GYG2: variants seen among roughly 807,000 people sequenced by gnomAD.
GYG2 encodes the protein glycogenin 2, also known as glycogenin-2.
Under a neutral mutation model 29.4 loss-of-function variants are expected in GYG2, and 29 were observed. The ratio of observed to expected loss-of-function variants is 0.99; its 90% confidence interval spans 0.74 to 1.35. GYG2 has a LOEUF of 1.35. Among genes scored for constraint, GYG2 ranks in the 40% most tolerant of loss-of-function variants. GYG2 has a pLI of 0.00. For missense variants in GYG2, 370 were observed against 385.7 expected (o/e 0.96, Z 0.34); for synonymous variants, 167 against 172.3 (o/e 0.97, Z 0.24).
chrX:2,842,781 C>T (rs1485229883), intron 2 of GYG2, among the ~76,000 whole-genome samples: 2 of 107,529 alleles, frequency 1.9e-5, no homozygotes, highest in East Asian at 2.9e-4. Flanking sequence ...AGCATGTATG[C>T]GAATTAGAAT....
intron 8 of GYG2, among the ~76,000 whole-genome samples, chrX:2,863,365 C>T (rs1482257739): frequency 8.9e-6 from 1 of 111,838 alleles, no homozygotes; most frequent in African/African-American, 3.2e-5. Context: ...TGAACCACCA[C>T]GCCCGGCAAG....
intron 3 of GYG2, among the ~76,000 whole-genome samples, chrX:2,847,734 A>G (rs1220981989): frequency 9.5e-6 from 1 of 105,735 alleles, no homozygotes; most frequent in African/African-American, 3.6e-5. Flanking sequence ...AAATAAATAA[A>G]TAAATAAATA....
chrX:2,839,436 G>T (rs1047045548), intron 2 of GYG2, among the ~76,000 whole-genome samples: 8 of 110,749 alleles, frequency 7.2e-5, no homozygotes, highest in African/African-American at 2.6e-4. Flanking sequence ...GAAGATTCCT[G>T]GTTTACACTT....
chrX:2,845,859 A>G (rs2087706119), intron 3 of GYG2, among the ~76,000 whole-genome samples: 1 of 100,069 alleles, frequency 1.0e-5, no homozygotes, highest in Non-Finnish European at 2.0e-5. Context: ...TTTGAACTGG[A>G]TTTCACTGAT....
At chrX:2,857,164 C>T (rs1229970989) in intron 6 of GYG2, among the ~76,000 whole-genome samples, 2 of 86,590 alleles carry the variant, frequency 2.3e-5, no homozygotes, top group Non-Finnish European at 4.9e-5. Flanking sequence ...CTATCTAGAC[C>T]TAGATGTCTA....
rs201829432 is a variant in GYG2 at position 2,877,307 on chromosome X, G to T, written c.1251G>T (p.Glu417Asp). 2.5e-6 allele frequency: 3 copies of T among 1,206,732 alleles called. No individual in the cohort carries two copies. The East Asian group carries it at 8.9e-5, about 36-fold the overall frequency. The change falls in exon 10 of 11, where the codon GAG becomes GAT. Residue 417 changes from glutamate to aspartate, a missense_variant and splice_region_variant. By Grantham distance (45) the Glu-to-Asp change is conservative (BLOSUM62 2). Transcript: ENST00000398806. ...ACCCCAGTCTGCAGGATGCACTGGA[G>T]GTGGTATCCAAATTCTTCCCCTTGC... ...LRDPSLQDAL[E>D]VDLAVSVSQI... is the part of the protein sequence containing the mutation.
At chrX:2,849,904 C>T (rs139651325) in intron 3 of GYG2, among the ~76,000 whole-genome samples, 2,249 of 110,917 alleles carry the variant, frequency 0.02, 49 homozygotes, top group African/African-American at 0.069. Flanking sequence ...CGCTTGAGTT[C>T]AGGAGTTCAA....
At chrX:2,835,974 G>T (rs1318435846) in intron 2 of GYG2, among the ~76,000 whole-genome samples, 1 of 110,695 alleles carries the variant, frequency 9.0e-6, no homozygotes, top group African/African-American at 3.3e-5. Context: ...TTTGCAGGAA[G>T]ATCTCTGAGG....
At chrX:2,839,857 A>G (rs2087456378) in intron 2 of GYG2, among the ~76,000 whole-genome samples, 1 of 112,400 alleles carries the variant, frequency 8.9e-6, no homozygotes, top group African/African-American at 3.2e-5. Context: ...CCAAAATAGG[A>G]ATGTAGAGAC....
intron 2 of GYG2, among the ~76,000 whole-genome samples, chrX:2,830,790 G>A (rs780357558): frequency 4.5e-5 from 5 of 111,997 alleles, no homozygotes; most frequent in Non-Finnish European, 9.4e-5. Context: ...GGGCATTGCG[G>A]CACCTGCCTG....
intron 8 of GYG2, among the ~76,000 whole-genome samples, chrX:2,870,251 G>C (rs1276105674): frequency 9.1e-6 from 1 of 110,347 alleles, no homozygotes; most frequent in Non-Finnish European, 1.9e-5. Context: ...GTCCAGGCTA[G>C]AGTGCACTGG....
At position 2,881,516 on chromosome X, in the gene GYG2, C is replaced by T. The variant is rs2088720260; in HGVS notation, c.*303C>T. The T allele has an allele frequency of 2.4e-5, 5 of 209,070 alleles. No homozygotes were observed. The highest frequency in any genetic ancestry group is 4.3e-5 in the Non-Finnish European group (5 of 117,206). 17.2% of individuals were successfully genotyped at this position (209,070 alleles called of 1,213,427 possible). On this transcript the variant is annotated 3_prime_UTR_variant, in exon 11 of 11. Coordinates refer to ENST00000398806, the MANE Select transcript of GYG2 (RefSeq NM_001079855.2). ...CTAGTAGACTCTCGATGGTGGTCTCCGCTCTTGCCCGAAGGACCTCTGAAG... is the reference window on the plus strand; with the variant it reads ...CTAGTAGACTCTCGATGGTGGTCTCTGCTCTTGCCCGAAGGACCTCTGAAG...
chrX:2,840,387 G>T (rs929594060), intron 2 of GYG2, among the ~76,000 whole-genome samples: 1 of 111,588 alleles, frequency 9.0e-6, no homozygotes, highest in African/African-American at 3.3e-5. Context: ...TCCCAACTCT[G>T]TCCTCTGCTT....
chrX:2,873,679 A>G (rs1465071534), intron 8 of GYG2, among the ~76,000 whole-genome samples: 2 of 111,370 alleles, frequency 1.8e-5, no homozygotes, highest in East Asian at 5.6e-4. Flanking sequence ...GAACTTATTT[A>G]TCTTGTGTAA....
intron 2 of GYG2, among the ~76,000 whole-genome samples, chrX:2,832,155 C>T (rs1013942006): frequency 1.8e-5 from 2 of 112,938 alleles, no homozygotes; most frequent in African/African-American, 6.4e-5. Flanking sequence ...TGTTCTATTT[C>T]AATCTGCTGG....
Position 2,854,010 on chromosome X carries a change from C to T in GYG2, c.180C>T (p.Val60=), listed in dbSNP as rs747832411. 8.3e-7 allele frequency: 1 copy of T among 1,202,910 alleles called. No homozygotes were observed. The highest frequency in any genetic ancestry group is 1.1e-6 in the Non-Finnish European group (1 of 887,539). Residue 60 remains valine, a synonymous_variant, in exon 4 of 11, where the codon GTC becomes GTT. Transcript: ENST00000398806. ...RVILSKVFDE[V]IEVNLIDSAD... is the part of the protein sequence containing the mutation. Reference sequence around the variant, plus strand: ...TCCTCTCGAAGGTGTTCGATGAAGTCATTGAAGTGAATCTAATCGATAGTG... The same window carrying T: ...TCCTCTCGAAGGTGTTCGATGAAGTTATTGAAGTGAATCTAATCGATAGTG...
intron 8 of GYG2, among the ~76,000 whole-genome samples, chrX:2,863,366 GC>G (rs1229704258): frequency 9.0e-6 from 1 of 111,695 alleles, no homozygotes; most frequent in Non-Finnish European, 1.9e-5. Context: ...GAACCACCAC[GC>G]CCGGCAAGAT....
intron 3 of GYG2, among the ~76,000 whole-genome samples, chrX:2,849,751 T>C (rs1222832031): frequency 8.9e-6 from 1 of 111,892 alleles, no homozygotes; most frequent in Non-Finnish European, 1.9e-5. Context: ...ACGTTAAAAA[T>C]GTTATCCCTC....
chrX:2,866,911 T>C (rs1336780829), intron 8 of GYG2, among the ~76,000 whole-genome samples: 1 of 111,187 alleles, frequency 9.0e-6, no homozygotes, highest in Non-Finnish European at 1.9e-5. Flanking sequence ...AAGAGATTGC[T>C]GGCTCCAAAT....
Sources: gnomAD v4.1 joint callset for allele counts (sites outside exome capture counted in the v4.1 genomes callset) on GRCh38, gnomAD v4.1.1 for gene constraint, MANE v1.5 for transcripts, NCBI Gene and HGNC (gene_info 2026-07-23, HGNC 2026-07-21) for gene names.